Variants in ZNHIT6 observed in about 807,000 individuals in gnomAD.
ZNHIT6 encodes the protein zinc finger HIT-type containing 6.
A neutral mutation model predicts 57.2 loss-of-function variants in ZNHIT6; 45 were observed. The observed-to-expected ratio is 0.79, with a 90% CI of 0.62 to 1.01. ZNHIT6 has a LOEUF of 1.01. Ranked by LOEUF, ZNHIT6 falls within the 50% of genes least tolerant of loss-of-function variation. ZNHIT6 has a pLI of 0.00. For synonymous variants in ZNHIT6, 188 were observed against 190.0 expected (o/e 0.99, Z 0.09); for missense variants, 528 against 567.3 (o/e 0.93, Z 0.70).
chr1:85,703,019 C>A (rs1056184483), intron 4 of ZNHIT6, among the ~76,000 whole-genome samples: 6 of 152,018 alleles, frequency 3.9e-5, no homozygotes, highest in African/African-American at 9.7e-5. Flanking sequence ...AGTCCATAAG[C>A]CAAGGAAAGG....
intron 8 of ZNHIT6, among the ~76,000 whole-genome samples, chr1:85,670,912 T>A (rs1661539359): frequency 1.3e-5 from 2 of 152,178 alleles, no homozygotes; most frequent in Admixed American, 1.3e-4. Context: ...AGAAAATGCG[T>A]ACCAACATTT....
intron 5 of ZNHIT6, among the ~76,000 whole-genome samples, chr1:85,683,345 C>T (rs1274287901): frequency 1.3e-5 from 2 of 152,060 alleles, no homozygotes; most frequent in African/African-American, 4.8e-5. Flanking sequence ...GGTGAAACCC[C>T]GTCTCTACTA....
chr1:85,698,109 A>G (rs1236838519), intron 5 of ZNHIT6, among the ~76,000 whole-genome samples: 2 of 152,176 alleles, frequency 1.3e-5, no homozygotes, highest in Admixed American at 6.5e-5. Context: ...CTCAACTTAC[A>G]TAAGCCTCCC....
rs896782027 is a variant in ZNHIT6, at chr1:85,653,667, G to A, written c.*391C>T. The A allele has an allele frequency of 6.4e-6, 1 of 156,838 alleles. No homozygotes were observed. Among genetic ancestry groups the A allele is most frequent in the Non-Finnish European group, 1.4e-5 (1 of 71,522 alleles). 9.7% of individuals were successfully genotyped at this position (156,838 alleles called of 1,614,324 possible). A position where few individuals can be genotyped will look rare whatever the true frequency, so the allele number is the denominator to read the frequency against. ...GGTACCAGCCTGTTGGGAGGCTGCA[G>A]TGAGAGGACCATTCGAGCCCAGGAA... is the stretch of plus-strand genomic sequence containing the variant. On this transcript the variant is annotated 3_prime_UTR_variant, in exon 10 of 10. Coordinates refer to ENST00000370574, the MANE Select transcript of ZNHIT6 (RefSeq NM_017953.4).
At chr1:85,697,621 T>A (rs951719384) in intron 5 of ZNHIT6, among the ~76,000 whole-genome samples, 5 of 152,214 alleles carry the variant, frequency 3.3e-5, no homozygotes, top group African/African-American at 1.2e-4. Context: ...TTTCATAAAT[T>A]TTAATGAATC....
rs1382291003 is a variant in ZNHIT6 at position 85,651,207 on chromosome 1, T to G, written c.*2851A>C. The G allele has an allele frequency of 6.6e-6, 1 of 152,124 alleles. No individual in the cohort carries two copies. The highest frequency in any genetic ancestry group is 6.5e-5 in the Admixed American group (1 of 15,270). 9.4% of individuals were successfully genotyped at this position (152,124 alleles called of 1,614,324 possible). A position where few individuals can be genotyped will look rare whatever the true frequency, so the allele number is the denominator to read the frequency against. Reference sequence around the variant, plus strand: ...GAAACAAACTGGATCAACTACATTTTGGAATCTTAAATATCTATTTTTAAT... The same window carrying G: ...GAAACAAACTGGATCAACTACATTTGGGAATCTTAAATATCTATTTTTAAT... On this transcript the variant is annotated 3_prime_UTR_variant, in exon 10 of 10. Coordinates refer to ENST00000370574, the MANE Select transcript of ZNHIT6 (RefSeq NM_017953.4).
intron 5 of ZNHIT6, among the ~76,000 whole-genome samples, chr1:85,700,041 T>C (rs188577889): frequency 6.6e-6 from 1 of 152,310 alleles, no homozygotes; most frequent in East Asian, 1.9e-4. Context: ...AAGTATTTTA[T>C]ATTATGTTTT....
chr1:85,694,655 T>C (rs1029282723), intron 5 of ZNHIT6, among the ~76,000 whole-genome samples: 1 of 152,062 alleles, frequency 6.6e-6, no homozygotes, highest in African/African-American at 2.4e-5. Context: ...AGAGACGGGG[T>C]TTCACCATGT....
chr1:85,700,394 CT>C (rs1662496685), intron 5 of ZNHIT6, among the ~76,000 whole-genome samples: 1 of 152,158 alleles, frequency 6.6e-6, no homozygotes, highest in South Asian at 2.1e-4. Context: ...TGTAAGAAAA[CT>C]GATCACAAAT....
Position 85,653,206 on chromosome 1 carries a change from T to A in ZNHIT6, c.*852A>T, listed in dbSNP as rs1207924505. On this transcript the variant is annotated 3_prime_UTR_variant, in exon 10 of 10. Transcript: ENST00000370574. ...AGCCACTGATTTTCTGAAGTGAATA[T>A]AAGAAACAGTAGTTAATAGTATTTA... 6.6e-6 allele frequency: 1 copy of A among 152,174 alleles called. No individual in the cohort carries two copies. Among genetic ancestry groups the A allele is most frequent in the Non-Finnish European group, 1.5e-5 (1 of 68,020 alleles). 9.4% of individuals were successfully genotyped at this position (152,174 alleles called of 1,614,324 possible).
intron 5 of ZNHIT6, among the ~76,000 whole-genome samples, chr1:85,688,440 C>T (rs146885645): frequency 6.6e-5 from 10 of 152,224 alleles, no homozygotes; most frequent in Admixed American, 1.3e-4. Context: ...TTCTGTACTG[C>T]GAATTCAAGT....
intron 5 of ZNHIT6, among the ~76,000 whole-genome samples, chr1:85,689,525 T>C (rs1662155435): frequency 6.6e-6 from 1 of 152,212 alleles, no homozygotes; most frequent in Non-Finnish European, 1.5e-5. Context: ...TTATATATTT[T>C]TGTCCTTTTA....
chr1:85,678,722 G>C lies in ZNHIT6; in HGVS notation c.1148C>G (p.Ser383Cys), dbSNP rs776861673. The C allele has an allele frequency of 1.9e-6, 3 of 1,590,198 alleles. No individual in the cohort carries two copies. Among genetic ancestry groups the C allele is most frequent in the Non-Finnish European group, 2.6e-6 (3 of 1,167,854 alleles). ...ATACCTTTGACGAATTACAGGATCA[G>C]ACTTTTCAGGATCAATGTAAGGTTT... ...ILKPYIDPEK[S>C]DPVIRQRLKA... The change falls in exon 7 of 10, where the codon TCT (serine) becomes TGT (cysteine). Residue 383 changes from serine (S) to cysteine (C), a missense_variant. Transcript: ENST00000370574.
At position 85,652,355 on chromosome 1, in the gene ZNHIT6, T is replaced by C. The variant is rs1022151171; in HGVS notation, c.*1703A>G. On this transcript the variant is annotated 3_prime_UTR_variant, in exon 10 of 10. Transcript: ENST00000370574. ...GACACATTTCACTTTTGATTATAAA[T>C]GAATTCCTTGAAATCTTATTTGTCT... 2 of 152,248 alleles carry C rather than the reference T, an allele frequency of 1.3e-5. No individual in the cohort carries two copies. Among genetic ancestry groups the C allele is most frequent in the African/African-American group, 4.8e-5 (2 of 41,472 alleles). The allele number at this position is 152,248 out of a possible 1,614,324, so 9.4% of individuals were successfully genotyped here. A position where few individuals can be genotyped will look rare whatever the true frequency, so the allele number is the denominator to read the frequency against.
At chr1:85,691,445 A>G (rs1225577312) in intron 5 of ZNHIT6, among the ~76,000 whole-genome samples, 1 of 152,258 alleles carries the variant, frequency 6.6e-6, no homozygotes, top group Non-Finnish European at 1.5e-5. Flanking sequence ...GAGTACAGAC[A>G]GTACAAGACT....
intron 1 of ZNHIT6, among the ~76,000 whole-genome samples, chr1:85,706,801 A>G (rs1432875688): frequency 6.6e-6 from 1 of 152,208 alleles, no homozygotes; most frequent in Non-Finnish European, 1.5e-5. Flanking sequence ...TGATATTTTA[A>G]CTTGTGATTC....
rs543930817 is a variant in ZNHIT6, at chr1:85,652,861, T to C, written c.*1197A>G. The stretch of plus-strand genomic sequence containing the variant: ...CAGTCATATTGCAGTTTCACAGTGG[T>C]ATAAACTCCAATAAAATTAAGAATT... On this transcript the variant is annotated 3_prime_UTR_variant, in exon 10 of 10. Transcript: ENST00000370574. 3.9e-5 allele frequency: 6 copies of C among 152,356 alleles called. No homozygotes were observed. The highest frequency in any genetic ancestry group is 3.9e-4 in the East Asian group (2 of 5,190). 9.4% of individuals were successfully genotyped at this position (152,356 alleles called of 1,614,324 possible).
chr1:85,676,643 G>A (rs963243004), intron 8 of ZNHIT6, among the ~76,000 whole-genome samples: 3 of 152,170 alleles, frequency 2.0e-5, no homozygotes, highest in Non-Finnish European at 4.4e-5. Flanking sequence ...GGAGGCCTGA[G>A]GAGAGTGAGA....
Position 85,653,762 on chromosome 1 carries a change from A to G in ZNHIT6, c.*296T>C, listed in dbSNP as rs1660980840. 1 of 279,628 alleles carries G rather than the reference A, an allele frequency of 3.6e-6. No homozygotes were observed. Among genetic ancestry groups the G allele is most frequent in the African/African-American group, 2.2e-5 (1 of 45,608 alleles). The allele number at this position is 279,628 out of a possible 1,614,324, so 17.3% of individuals were successfully genotyped here. A position where few individuals can be genotyped will look rare whatever the true frequency, so the allele number is the denominator to read the frequency against. ...CTCAAAAAAAGAAAGAAAAAAGAAA[A>G]AAAAAGTTTTCAGTTTATGGAATTA... On this transcript the variant is annotated 3_prime_UTR_variant, in exon 10 of 10. Transcript: ENST00000370574.
Sources: gnomAD v4.1 joint callset for allele counts (sites outside exome capture counted in the v4.1 genomes callset) on GRCh38, gnomAD v4.1.1 for gene constraint, MANE v1.5 for transcripts, NCBI Gene and HGNC (gene_info 2026-07-23, HGNC 2026-07-21) for gene names.